Variants in TTLL5 observed in about 807,000 individuals in gnomAD.
The protein encoded by TTLL5 is tubulin tyrosine ligase like 5, also known as tubulin polyglutamylase TTLL5.
In TTLL5, 132 loss-of-function variants were observed where a neutral mutation model predicts 168.4. The ratio of observed to expected loss-of-function variants is 0.78; its 90% confidence interval spans 0.68 to 0.91. TTLL5 has a LOEUF of 0.91. Among genes scored for constraint, TTLL5 ranks in the 40% least tolerant of loss-of-function variants. The pLI is 0.00. For missense variants in TTLL5, 1,545 were observed against 1,581.5 expected (o/e 0.98, Z 0.39); for synonymous variants, 546 against 558.6 (o/e 0.98, Z 0.32).
At chr14:75,693,129 A>G (rs28539275) in intron 6 of TTLL5, among the ~76,000 whole-genome samples, 1,762 of 152,202 alleles carry the variant, frequency 0.012, 32 homozygotes, top group African/African-American at 0.041. Flanking sequence ...CTGAAAGAGG[A>G]GAAGGAAGAA....
At chr14:75,752,801 C>A in intron 17 of TTLL5, 92 bp from the exon 18 acceptor site, 1 of 1,174,900 alleles carries the variant, frequency 8.5e-7, no homozygotes. Context: ...ATAAGTACCC[C>A]TGTTATTTCT....
intron 27 of TTLL5, among the ~76,000 whole-genome samples, chr14:75,796,258 A>T (rs1173975110): frequency 1.3e-5 from 2 of 151,690 alleles, no homozygotes; most frequent in African/African-American, 4.8e-5. Context: ...TCATGTCCTT[A>T]GCCTTTTTGA....
At chr14:75,931,824 C>T (rs2034286603) in intron 31 of TTLL5, among the ~76,000 whole-genome samples, 3 of 152,184 alleles carry the variant, frequency 2.0e-5, no homozygotes, top group Admixed American at 6.5e-5. Flanking sequence ...CTAGAAATCC[C>T]ATCCCTTACT....
chr14:75,812,893 G>A (rs1894138529), intron 27 of TTLL5, among the ~76,000 whole-genome samples: 1 of 152,162 alleles, frequency 6.6e-6, no homozygotes, highest in Non-Finnish European at 1.5e-5. Flanking sequence ...CTGTGGCTGG[G>A]CCAAGATTCT....
rs191744735 is a variant in TTLL5, at chr14:75,880,027, G to T, written c.3523-2658G>T. Among the ~76,000 whole-genome samples, 893 of 152,222 alleles carry T rather than the reference G, an allele frequency of 5.9e-3. 4 individuals carry two copies. Among genetic ancestry groups the T allele is most frequent in the Non-Finnish European group, 9.6e-3 (654 of 68,004 alleles). ...GAAATTCAAAAGATACAAATGACAT[G>T]TAGTAAAAAGTTAGTCTCCCTCCTG... On this transcript the variant is annotated intron_variant, in intron 29 of 31. Coordinates refer to ENST00000298832, the MANE Select transcript of TTLL5 (RefSeq NM_015072.5).
intron 30 of TTLL5, among the ~76,000 whole-genome samples, chr14:75,886,056 C>G (rs1396910399): frequency 3.3e-5 from 5 of 152,184 alleles, no homozygotes; most frequent in Non-Finnish European, 2.9e-5. Context: ...GAGTCACACT[C>G]AGGAATGCCA....
intron 10 of TTLL5, 91 bp downstream of exon 10, chr14:75,718,053 C>A: frequency 9.2e-7 from 1 of 1,083,196 alleles, no homozygotes; most frequent in South Asian, 1.3e-5. Context: ...CACTGGAGGA[C>A]AACTTTACAT....
At chr14:75,896,361 T>C (rs11159156) in intron 30 of TTLL5, among the ~76,000 whole-genome samples, 134,296 of 152,194 alleles carry the variant, frequency 0.88, 59,354 homozygotes, top group South Asian at 0.92. Context: ...GGTTGGTTAT[T>C]GCTGTATTTT....
intron 31 of TTLL5, chr14:75,904,247 T>C: frequency 8.6e-7 from 1 of 1,157,148 alleles, no homozygotes; most frequent in Non-Finnish European, 1.1e-6. Flanking sequence ...TAGAACATGG[T>C]AGTTAACTAT....
At chr14:75,666,506 T>A (rs1437120644) in intron 2 of TTLL5, among the ~76,000 whole-genome samples, 1 of 152,262 alleles carries the variant, frequency 6.6e-6, no homozygotes, top group Admixed American at 6.5e-5. Flanking sequence ...CTTTAATTGC[T>A]ATTGTAAAAG....
chr14:75,949,765 G>A (rs1337962486), intron 31 of TTLL5, among the ~76,000 whole-genome samples: 6 of 151,518 alleles, frequency 4.0e-5, no homozygotes, highest in African/African-American at 7.3e-5. Flanking sequence ...CACGAGAATC[G>A]CTTGAACCCA....
intron 3 of TTLL5, among the ~76,000 whole-genome samples, chr14:75,676,815 C>T (rs1046229567): frequency 2.7e-5 from 4 of 150,550 alleles, no homozygotes; most frequent in South Asian, 4.2e-4. Context: ...CTGTCACCCA[C>T]GCTGAAGTGC....
intron 10 of TTLL5, 80 bp downstream of exon 10, chr14:75,718,042 G>A: frequency 4.0e-6 from 5 of 1,258,474 alleles, no homozygotes; most frequent in Non-Finnish European, 5.7e-6. Context: ...GTAACATGTG[G>A]CACTGGAGGA....
Position 75,773,966 on chromosome 14 carries a change from AGAGAGAGAG to A in TTLL5, c.2137-1517_2137-1509del, listed in dbSNP as rs1566598263. 6.8e-3 allele frequency among the ~76,000 whole-genome samples: 831 copies of A among 122,330 alleles called. 17 individuals carry two copies. Among genetic ancestry groups the A allele is most frequent in the African/African-American group, 0.025 (796 of 31,822 alleles). The allele number at this position is 122,330 out of a possible 152,430, so 80.3% of individuals were successfully genotyped here. ...GAGAGAGAGAGAGAGAAAGAGAGAG[AGAGAGAGAG>A]AGAGAGAGAGAGAGAGAGAGAGAGC... On this transcript the variant is annotated intron_variant, in intron 21 of 31. Coordinates refer to ENST00000298832, the MANE Select transcript of TTLL5 (RefSeq NM_015072.5).
At chr14:75,943,755 A>C (rs147487012) in intron 31 of TTLL5, among the ~76,000 whole-genome samples, 108 of 152,348 alleles carry the variant, frequency 7.1e-4, no homozygotes, top group African/African-American at 2.5e-3. Context: ...GACTAAGATA[A>C]TTGAAATTGC....
intron 27 of TTLL5, among the ~76,000 whole-genome samples, chr14:75,808,004 T>G (rs1893756005): frequency 6.6e-6 from 1 of 152,224 alleles, no homozygotes; most frequent in African/African-American, 2.4e-5. Flanking sequence ...CAACTGATTC[T>G]TCGACCAGAC....
chr14:75,912,526 T>G (rs1242555661), intron 31 of TTLL5, among the ~76,000 whole-genome samples: 1 of 152,130 alleles, frequency 6.6e-6, no homozygotes, highest in Non-Finnish European at 1.5e-5. Flanking sequence ...AAAAACAAGA[T>G]AATTCCAAGT....
intron 15 of TTLL5, chr14:75,737,469 T>A (rs998321360): frequency 2.9e-5 from 37 of 1,278,784 alleles, no homozygotes; most frequent in Non-Finnish European, 3.9e-5. Flanking sequence ...TGCTTGGAGA[T>A]TATTTTTTCC....
chr14:75,864,509 C>T (rs145392294), intron 29 of TTLL5, among the ~76,000 whole-genome samples: 12 of 152,140 alleles, frequency 7.9e-5, no homozygotes, highest in African/African-American at 2.2e-4. Context: ...GATGTTGATT[C>T]GCTACTCACT....
Sources: gnomAD v4.1 joint callset for allele counts (sites outside exome capture counted in the v4.1 genomes callset) on GRCh38, gnomAD v4.1.1 for gene constraint, MANE v1.5 for transcripts, NCBI Gene and HGNC (gene_info 2026-07-23, HGNC 2026-07-21) for gene names.